SNX29: variants seen among roughly 807,000 people sequenced by gnomAD.
SNX29 encodes sorting nexin 29.
A neutral mutation model predicts 102.1 loss-of-function variants in SNX29; 78 were observed. The ratio of observed to expected loss-of-function variants is 0.76; its 90% confidence interval spans 0.64 to 0.92. The LOEUF is 0.92. Ranked by LOEUF, SNX29 falls within the 40% of genes least tolerant of loss-of-function variation. The pLI is 0.00. For missense variants in SNX29, 1,280 were observed against 1,061.7 expected (o/e 1.21, Z -2.86); for synonymous variants, 580 against 414.5 (o/e 1.40, Z -4.85).
At chr16:12,524,911 T>G in intron 20 of SNX29, 70 bp downstream of exon 20, 1 of 1,584,054 alleles carries the variant, frequency 6.3e-7, no homozygotes, top group Non-Finnish European at 8.6e-7. Flanking sequence ...TTTTGGAAGG[T>G]CAGGGAGCAC....
At chr16:12,468,766 G>T (rs1357660836) in intron 18 of SNX29, among the ~76,000 whole-genome samples, 1 of 152,208 alleles carries the variant, frequency 6.6e-6, no homozygotes, top group Non-Finnish European at 1.5e-5. Context: ...GTTCTGCCTG[G>T]GGGACAGCGG....
Position 12,224,668 on chromosome 16 carries a change from C to T in SNX29, c.1678+24985C>T, listed in dbSNP as rs115277239. On this transcript the variant is annotated intron_variant, in intron 14 of 20. Coordinates refer to ENST00000566228, the MANE Select transcript of SNX29 (RefSeq NM_032167.5). Reference sequence around the variant, plus strand: ...TCTAAAGAGCCTACATGTGCAAAAGCAGGGAGTATTGTTGAATTTACCGGT... The same window carrying T: ...TCTAAAGAGCCTACATGTGCAAAAGTAGGGAGTATTGTTGAATTTACCGGT... 5.0e-3 allele frequency among the ~76,000 whole-genome samples: 763 copies of T among 152,310 alleles called. 4 individuals are homozygous for T. The highest frequency in any genetic ancestry group is 0.018 in the African/African-American group (728 of 41,560).
chr16:12,291,061 A>G (rs999273544), intron 15 of SNX29, among the ~76,000 whole-genome samples: 2 of 152,222 alleles, frequency 1.3e-5, no homozygotes, highest in Middle Eastern at 3.4e-3. Flanking sequence ...GCCTCAGGAA[A>G]AGTCTGGCTT....
chr16:12,017,078 A>T (rs574401341), intron 3 of SNX29, among the ~76,000 whole-genome samples: 41 of 152,024 alleles, frequency 2.7e-4, no homozygotes, highest in African/African-American at 4.8e-4. Flanking sequence ...GCGGTGAGCC[A>T]TGATTTTGCC....
chr16:12,183,140 C>G (rs575926691), intron 13 of SNX29, among the ~76,000 whole-genome samples: 2 of 152,012 alleles, frequency 1.3e-5, no homozygotes, highest in Admixed American at 1.3e-4. Context: ...GCTGGGAGCA[C>G]GGGCGTGCGC....
chr16:12,514,019 C>G (rs1390002996), intron 19 of SNX29, among the ~76,000 whole-genome samples: 2 of 152,224 alleles, frequency 1.3e-5, no homozygotes, highest in Non-Finnish European at 2.9e-5. Flanking sequence ...AAGCAGAGTT[C>G]ACAGGTTGGC....
chr16:12,259,983 C>A (rs2142475381), intron 14 of SNX29, among the ~76,000 whole-genome samples: 1 of 152,322 alleles, frequency 6.6e-6, no homozygotes, highest in East Asian at 1.9e-4. Flanking sequence ...TTTGCTCCTG[C>A]TGATGCGCGG....
chr16:12,378,868 A>T (rs559103491), intron 16 of SNX29, among the ~76,000 whole-genome samples: 41 of 152,152 alleles, frequency 2.7e-4, no homozygotes, highest in Non-Finnish European at 5.4e-4. Context: ...GGCTGTTTAG[A>T]CTCAAGAGAA....
At chr16:12,268,258 G>T (rs1331904883) in intron 14 of SNX29, among the ~76,000 whole-genome samples, 1 of 152,142 alleles carries the variant, frequency 6.6e-6, no homozygotes, top group Non-Finnish European at 1.5e-5. Flanking sequence ...CTTCATATTG[G>T]CACTCACTTT....
In SNX29 at chr16:12,565,826, C is replaced by T. The variant is rs373546805; in HGVS notation, c.2319-2680C>T. On this transcript the variant is annotated intron_variant, in intron 20 of 20. Transcript: ENST00000566228. ...GCAACCCTCAGCTCACTTCTGGTCA[C>T]CCTCCACACCTCTGCCTCCTCCGGG... Among the ~76,000 whole-genome samples, 8 of 152,172 alleles carry T rather than the reference C, an allele frequency of 5.3e-5. No homozygotes were observed. The East Asian group carries it at 5.8e-4, about 11-fold the overall frequency.
intron 14 of SNX29, among the ~76,000 whole-genome samples, chr16:12,248,844 C>G (rs1206446283): frequency 6.6e-6 from 1 of 151,954 alleles, no homozygotes; most frequent in Non-Finnish European, 1.5e-5. Flanking sequence ...TTTGGTCTGT[C>G]TGACTCCCCC....
chr16:12,312,292 A>G (rs2080582429), intron 15 of SNX29, among the ~76,000 whole-genome samples: 1 of 152,180 alleles, frequency 6.6e-6, no homozygotes, highest in African/African-American at 2.4e-5. Context: ...GCTGTCGTTT[A>G]GTCAGGGCTT....
intron 16 of SNX29, among the ~76,000 whole-genome samples, chr16:12,359,309 A>G (rs1400108167): frequency 6.6e-6 from 1 of 152,210 alleles, no homozygotes; most frequent in Non-Finnish European, 1.5e-5. Context: ...GCAGAAGGAA[A>G]ATGGTTCATG....
chr16:12,240,422 A>G (rs546689180), intron 14 of SNX29, among the ~76,000 whole-genome samples: 41 of 151,462 alleles, frequency 2.7e-4, no homozygotes, highest in Admixed American at 1.7e-3. Context: ...CTGTGTTTCA[A>G]TTTTTCCAGG....
chr16:12,008,319 G>C (rs931356432), intron 3 of SNX29, among the ~76,000 whole-genome samples: 10 of 151,832 alleles, frequency 6.6e-5, no homozygotes, highest in African/African-American at 2.4e-4. Flanking sequence ...GCCCAGGCTG[G>C]ACTGCAATGG....
intron 18 of SNX29, among the ~76,000 whole-genome samples, chr16:12,438,291 G>A (rs1321883723): frequency 1.3e-5 from 2 of 152,204 alleles, no homozygotes; most frequent in Non-Finnish European, 2.9e-5. Context: ...CAAGGCATCA[G>A]CCCTCCTTGG....
chr16:12,073,566 C>T (rs914555671), intron 10 of SNX29, among the ~76,000 whole-genome samples: 1 of 152,068 alleles, frequency 6.6e-6, no homozygotes, highest in African/African-American at 2.4e-5. Flanking sequence ...TTTACATTTG[C>T]TGAGGAGAGC....
chr16:12,515,866 C>T (rs754372942), intron 19 of SNX29, among the ~76,000 whole-genome samples: 4 of 152,010 alleles, frequency 2.6e-5, no homozygotes, highest in East Asian at 1.9e-4. Flanking sequence ...CCAGCCTGGG[C>T]GTAAATCTGT....
intron 19 of SNX29, among the ~76,000 whole-genome samples, chr16:12,506,566 C>T (rs1383973869): frequency 6.6e-6 from 1 of 152,180 alleles, no homozygotes; most frequent in Non-Finnish European, 1.5e-5. Flanking sequence ...TAGCATCAGA[C>T]TTGAAAAGGC....
Sources: allele counts gnomAD v4.1 joint callset (sites outside exome capture counted in the v4.1 genomes callset), GRCh38; gene constraint gnomAD v4.1.1; transcripts MANE v1.5; gene names NCBI Gene and HGNC (gene_info 2026-07-23, HGNC 2026-07-21).